Variants in PLEKHA6 observed in about 807,000 individuals in gnomAD.
PLEKHA6 encodes the protein pleckstrin homology domain containing A6, also known as pleckstrin homology domain-containing family A member 6.
PLEKHA6 carries 60 observed loss-of-function variants against 116.7 expected under a neutral mutation model. That is an observed-to-expected ratio of 0.51 (90% CI 0.42 to 0.64). PLEKHA6 has a LOEUF of 0.64. Ranked by LOEUF, PLEKHA6 falls within the 30% of genes least tolerant of loss-of-function variation. PLEKHA6 has a pLI of 0.00. For missense variants in PLEKHA6, 1,338 were observed against 1,422.7 expected (o/e 0.94, Z 0.96); for synonymous variants, 489 against 556.1 (o/e 0.88, Z 1.70).
Position 204,259,420 on chromosome 1 carries a change from C to T in PLEKHA6, c.845G>A (p.Ser282Asn). 1.2e-6 allele frequency: 2 copies of T among 1,614,244 alleles called. No individual in the cohort carries two copies. The highest frequency in any genetic ancestry group is 1.7e-6 in the Non-Finnish European group (2 of 1,180,040). ...TCCATCCTGAGACGGGAAAGCTGTG[C>T]TCCCTGGCCGGCTTGGGGAGTGGTA... ...WQYHSPSRPG[S>N]TAFPSQDGET... The change falls in exon 8 of 23, where the codon AGC becomes AAC. Residue 282 changes from serine (S) to asparagine (N), a missense_variant. Transcript: ENST00000272203. The surrounding 1 kb of genome is among the most constrained non-coding windows in gnomAD (Gnocchi z 4.6).
intron 2 of PLEKHA6, among the ~76,000 whole-genome samples, chr1:204,371,302 G>A (rs1333052763): frequency 6.6e-6 from 1 of 152,178 alleles, no homozygotes; most frequent in Non-Finnish European, 1.5e-5. Flanking sequence ...GTCCTCAAAG[G>A]CCCATCTCAG....
chr1:204,241,919 C>A lies in PLEKHA6; in HGVS notation c.2173-105G>T, dbSNP rs145117277. The A allele has an allele frequency of 3.0e-4, 373 of 1,252,170 alleles. 1 individual carries two copies. The African/African-American group carries it at 4.7e-3, about 16-fold the overall frequency. The allele number at this position is 1,252,170 out of a possible 1,614,324, so 77.6% of individuals were successfully genotyped here. A position where few individuals can be genotyped will look rare whatever the true frequency, so the allele number is the denominator to read the frequency against. On this transcript the variant is annotated intron_variant, in intron 15 of 22. Coordinates refer to ENST00000272203, the MANE Select transcript of PLEKHA6 (RefSeq NM_014935.5). ...TTAATGGTTGAAGCTCAAACCCTTG[C>A]AGATACAAGGAACAAGGAAATTCTA...
chr1:204,222,724 G>T lies in PLEKHA6; in HGVS notation c.*64C>A. On this transcript the variant is annotated 3_prime_UTR_variant, in exon 23 of 23. Coordinates refer to ENST00000272203, the MANE Select transcript of PLEKHA6 (RefSeq NM_014935.5). ...CAGGACCTCAGGTGGGCAGAGGACG[G>T]CTTCAGAATGTGGCTCTGTGGAGCT... 6.5e-6 allele frequency: 1 copy of T among 153,032 alleles called. No homozygotes were observed. Among genetic ancestry groups the T allele is most frequent in the Non-Finnish European group, 1.5e-5 (1 of 68,218 alleles). 9.5% of individuals were successfully genotyped at this position (153,032 alleles called of 1,614,324 possible).
At chr1:204,230,632 AC>A in intron 17 of PLEKHA6, 46 bp from the exon 18 acceptor site, 1 of 1,511,978 alleles carries the variant, frequency 6.6e-7, no homozygotes. Flanking sequence ...CTTATCCCCC[AC>A]CCAGCTTTTC....
intron 17 of PLEKHA6, among the ~76,000 whole-genome samples, chr1:204,240,641 G>A (rs1353020626): frequency 1.3e-5 from 2 of 152,162 alleles, no homozygotes; most frequent in East Asian, 1.9e-4. Context: ...AAGGATAGTC[G>A]TATTATGTTA....
rs893121885 is a variant in PLEKHA6, at chr1:204,281,368, A to G, written c.-94-6559T>C. ...GTGAAACCCTGTCTCTACTAAAAAT[A>G]CAAAAAATTAGCCGGGCCTGGTGGC... On this transcript the variant is annotated intron_variant, in intron 1 of 22. Transcript: ENST00000272203. 3.9e-5 allele frequency among the ~76,000 whole-genome samples: 6 copies of G among 152,172 alleles called. 1 individual carries two copies. The highest frequency in any genetic ancestry group is 3.4e-3 in the Middle Eastern group (1 of 294).
chr1:204,275,620 G>T (rs1667920142), intron 1 of PLEKHA6: 5 of 807,488 alleles, frequency 6.2e-6, no homozygotes, highest in Non-Finnish European at 7.5e-6. Flanking sequence ...GGCTCCTCCG[G>T]CTGGCTGAGT....
chr1:204,340,206 AG>A (rs902479838), intron 1 of PLEKHA6, among the ~76,000 whole-genome samples: 1 of 152,258 alleles, frequency 6.6e-6, no homozygotes, highest in Middle Eastern at 3.4e-3. Context: ...AGTGAGTGGG[AG>A]GGGGGTGTGT....
In PLEKHA6 at chr1:204,230,486, C is replaced by T. The variant is rs10900562; in HGVS notation, c.2510G>A (p.Arg837Lys). Residue 837 changes from arginine to lysine, a missense_variant, in exon 18 of 23, where the codon AGG becomes AAG. Arg to Lys is a conservative substitution (Grantham distance 26). Around this residue, in one of 3 missense-constraint regions of PLEKHA6, gnomAD observed 1,136 missense variants for 1,163.6 expected, o/e 0.98. Coordinates refer to ENST00000272203, the MANE Select transcript of PLEKHA6 (RefSeq NM_014935.5). ...RMRRHQSGSM[R>K]EKRRSLQLPA... is the part of the protein sequence containing the mutation. Reference sequence around the variant, plus strand: ...GAGCTGCAGGCTCCTCCGCTTCTCCCTCATGGAGCCACTCTGGTGCCGCCG... The same window carrying T: ...GAGCTGCAGGCTCCTCCGCTTCTCCTTCATGGAGCCACTCTGGTGCCGCCG... 744,716 of 1,581,524 alleles carry T rather than the reference C, an allele frequency of 0.47. 178,074 individuals carry two copies. The highest frequency in any genetic ancestry group is 0.66 in the African/African-American group (49,274 of 74,650).
intron 1 of PLEKHA6, among the ~76,000 whole-genome samples, chr1:204,345,417 T>G (rs986991483): frequency 6.6e-6 from 1 of 152,114 alleles, no homozygotes; most frequent in Non-Finnish European, 1.5e-5. Flanking sequence ...CAGGCTTCTT[T>G]GCTCAGCCCC....
intron 17 of PLEKHA6, among the ~76,000 whole-genome samples, chr1:204,231,782 C>T (rs141808343): frequency 6.6e-6 from 1 of 152,218 alleles, no homozygotes; most frequent in Admixed American, 6.5e-5. Context: ...CTTTCTTGCT[C>T]AAGCTGTTTT....
intron 2 of PLEKHA6, among the ~76,000 whole-genome samples, chr1:204,368,098 G>A (rs949291835): frequency 2.6e-5 from 4 of 152,178 alleles, no homozygotes; most frequent in African/African-American, 7.2e-5. Context: ...GTCAATGAGC[G>A]GTGAAGTGAC....
At chr1:204,301,235 CAG>C in intron 1 of PLEKHA6, 1 of 984,770 alleles carries the variant, frequency 1.0e-6, no homozygotes, top group Non-Finnish European at 1.2e-6. Context: ...GCAGAGTCAC[CAG>C]AGTTATTTAA....
chr1:204,223,679 G>C lies in PLEKHA6; in HGVS notation c.3032-94C>G, dbSNP rs1206082905. 25 of 643,284 alleles carry C rather than the reference G, an allele frequency of 3.9e-5. No homozygotes were observed. The highest frequency in any genetic ancestry group is 5.7e-5 in the Non-Finnish European group (20 of 353,082). The allele number at this position is 643,284 out of a possible 1,614,324, so 39.8% of individuals were successfully genotyped here. On this transcript the variant is annotated intron_variant, in intron 21 of 22. Coordinates refer to ENST00000272203, the MANE Select transcript of PLEKHA6 (RefSeq NM_014935.5). This position sits in a 1 kb window ranked among gnomAD's most constrained non-coding sequence, Gnocchi z 4.8. The stretch of plus-strand genomic sequence containing the variant: ...GCGAGGCCCTCCCCAGGCAGGGAGT[G>C]AGGCAGGGAGGCAAGCGAAGAGAGA...
Position 204,257,163 on chromosome 1 carries a change from C to T in PLEKHA6, c.1524+190G>A, listed in dbSNP as rs1381356967. ...CCCACTCAAGAGGCAAAGCCATCCC[C>T]AAGACAGCTCTCCTACAGACAGAAC... is the stretch of plus-strand genomic sequence containing the variant. On this transcript the variant is annotated intron_variant, in intron 9 of 22. Transcript: ENST00000272203. This position sits in a 1 kb window ranked among gnomAD's most constrained non-coding sequence, Gnocchi z 6.5. Among the ~76,000 whole-genome samples, 2 of 152,256 alleles carry T rather than the reference C, an allele frequency of 1.3e-5. No individual in the cohort carries two copies. Among genetic ancestry groups the T allele is most frequent in the Non-Finnish European group, 2.9e-5 (2 of 68,048 alleles).
At chr1:204,273,279 C>A (rs1283233703) in intron 3 of PLEKHA6, among the ~76,000 whole-genome samples, 1 of 152,230 alleles carries the variant, frequency 6.6e-6, no homozygotes, top group Non-Finnish European at 1.5e-5. Flanking sequence ...TTGACAGTCA[C>A]CCCTGGAAAA....
intron 1 of PLEKHA6, among the ~76,000 whole-genome samples, chr1:204,331,353 A>T (rs1333078204): frequency 1.3e-5 from 2 of 152,194 alleles, no homozygotes; most frequent in East Asian, 3.9e-4. Flanking sequence ...GGGAAGAACA[A>T]GAACACAGAA....
At chr1:204,278,493 A>G (rs1413912592) in intron 1 of PLEKHA6, among the ~76,000 whole-genome samples, 2 of 152,258 alleles carry the variant, frequency 1.3e-5, no homozygotes, top group Non-Finnish European at 2.9e-5. Context: ...CACAACAGAC[A>G]CTGAAAGGAA....
chr1:204,341,996 G>A (rs1184623447), intron 1 of PLEKHA6, among the ~76,000 whole-genome samples: 1 of 151,964 alleles, frequency 6.6e-6, no homozygotes, highest in African/African-American at 2.4e-5. Context: ...GAGCAGGCTG[G>A]CCAACATGGT....
Sources: allele counts gnomAD v4.1 joint callset (sites outside exome capture counted in the v4.1 genomes callset), GRCh38; gene constraint gnomAD v4.1.1; regional missense constraint gnomAD v4.1.1; non-coding constraint Gnocchi (gnomAD v3.1); transcripts MANE v1.5; gene names NCBI Gene and HGNC (gene_info 2026-07-23, HGNC 2026-07-21).